The following BNIP1 variants were observed in gnomAD, a reference collection of about 807,000 sequenced individuals.
BNIP1 encodes BCL2 interacting protein 1.
A neutral mutation model predicts 28.5 loss-of-function variants in BNIP1; 25 were observed. The ratio of observed to expected loss-of-function variants is 0.88; its 90% confidence interval spans 0.64 to 1.23. The LOEUF is 1.23. BNIP1 is among the 50% of genes most tolerant of loss of function. The pLI is 0.00. For synonymous variants in BNIP1, 118 were observed against 101.7 expected (o/e 1.16, Z -0.96); for missense variants, 276 against 277.0 (o/e 1.00, Z 0.02).
chr5:173,163,904 C>A lies in BNIP1; in HGVS notation c.670C>A (p.Leu224Ile). The part of the protein sequence containing the change: ...ATVLYIVKKR[L>I]FPFL ...GGTCCTCTATATTGTGAAAAAGCGG[C>A]TCTTTCCATTTTTGTGAGATCCCAA... Residue 224 changes from leucine (L) to isoleucine (I), a missense_variant, in exon 6 of 6, where the codon CTC becomes ATC. Transcript: ENST00000351486. 6.2e-7 allele frequency: 1 copy of A among 1,603,134 alleles called. No homozygotes were observed. Among genetic ancestry groups the A allele is most frequent in the Non-Finnish European group, 8.5e-7 (1 of 1,175,040 alleles).
intron 3 of BNIP1, among the ~76,000 whole-genome samples, chr5:173,156,529 A>G (rs527330319): frequency 6.6e-6 from 1 of 152,018 alleles, no homozygotes; most frequent in East Asian, 1.9e-4. Context: ...CTGTAGTCTC[A>G]ACTACTTGGG....
intron 3 of BNIP1, among the ~76,000 whole-genome samples, chr5:173,157,165 G>A (rs555381143): frequency 2.0e-5 from 3 of 152,112 alleles, no homozygotes; most frequent in Non-Finnish European, 2.9e-5. Context: ...CTTGCAAACT[G>A]TTTCAAAATG....
chr5:173,152,245 C>T (rs532364234), intron 2 of BNIP1, among the ~76,000 whole-genome samples: 8 of 152,316 alleles, frequency 5.3e-5, no homozygotes, highest in Middle Eastern at 6.8e-3. Flanking sequence ...TTTTCCCATG[C>T]GTTCATTCTT....
intron 2 of BNIP1, among the ~76,000 whole-genome samples, chr5:173,148,698 G>T (rs908522937): frequency 6.6e-6 from 1 of 152,024 alleles, no homozygotes; most frequent in Admixed American, 6.6e-5. Context: ...AGACATTCCT[G>T]CCGGCTCCTC....
At chr5:173,154,838 C>T (rs1050037240) in intron 3 of BNIP1, among the ~76,000 whole-genome samples, 1 of 152,084 alleles carries the variant, frequency 6.6e-6, no homozygotes, top group South Asian at 2.1e-4. Flanking sequence ...ATCAGTTACA[C>T]ACTGGTGGAA....
At chr5:173,151,702 T>C (rs1760027488) in intron 2 of BNIP1, 8 of 1,612,810 alleles carry the variant, frequency 5.0e-6, no homozygotes, top group East Asian at 2.2e-5. Flanking sequence ...AGTGTGAGTA[T>C]TTGTATGTTC....
intron 5 of BNIP1, chr5:173,160,803 CAA>C: frequency 2.2e-6 from 1 of 456,184 alleles, no homozygotes; most frequent in South Asian, 1.5e-5. Flanking sequence ...TTATACTCCC[CAA>C]CGTTATTTTT....
At chr5:173,148,412 G>T (rs1315869148) in intron 2 of BNIP1, among the ~76,000 whole-genome samples, 1 of 152,018 alleles carries the variant, frequency 6.6e-6, no homozygotes, top group Non-Finnish European at 1.5e-5. Flanking sequence ...ATGTTTCAAG[G>T]CTGCCATCTG....
At chr5:173,151,714 T>C (rs1157334537) in intron 2 of BNIP1, 3 of 1,612,396 alleles carry the variant, frequency 1.9e-6, no homozygotes, top group Non-Finnish European at 2.5e-6. Context: ...TGTATGTTCT[T>C]TTTAAACATC....
chr5:173,144,652 C>T, intron 1 of BNIP1, 23 bp downstream of exon 1: 1 of 1,612,712 alleles, frequency 6.2e-7, no homozygotes, highest in Non-Finnish European at 8.5e-7. Flanking sequence ...GGACCCCTGC[C>T]GGGCTCCAGC....
intron 3 of BNIP1, among the ~76,000 whole-genome samples, chr5:173,155,011 G>C (rs1463371390): frequency 6.6e-6 from 1 of 152,008 alleles, no homozygotes; most frequent in Non-Finnish European, 1.5e-5. Flanking sequence ...TGTAATACAG[G>C]GTCATTTTTT....
intron 2 of BNIP1, among the ~76,000 whole-genome samples, chr5:173,150,976 C>T (rs1353088055): frequency 2.0e-5 from 3 of 152,000 alleles, no homozygotes; most frequent in Non-Finnish European, 4.4e-5. Context: ...GCTGGGATTA[C>T]AGGTGTGTGC....
At chr5:173,151,419 G>C in intron 2 of BNIP1, 2 of 799,338 alleles carry the variant, frequency 2.5e-6, no homozygotes, top group Non-Finnish European at 3.8e-6. Flanking sequence ...ACAGGGTTTT[G>C]CCATGTTGCT....
chr5:173,158,698 G>T lies in BNIP1; in HGVS notation c.270-46G>T, dbSNP rs1180867423. On this transcript the variant is annotated intron_variant, in intron 3 of 5. Transcript: ENST00000351486. ...AGTGCTGTGAATTGAACTGACTTAT[G>T]GCTTGGTGGAGTGGACACACTCACA... 4 of 1,485,540 alleles carry T rather than the reference G, an allele frequency of 2.7e-6. No individual in the cohort carries two copies. The South Asian group carries it at 4.7e-5, about 17-fold the overall frequency. The allele number at this position is 1,485,540 out of a possible 1,614,324, so 92.0% of individuals were successfully genotyped here. A position where few individuals can be genotyped will look rare whatever the true frequency, so the allele number is the denominator to read the frequency against.
rs1210102701 is a variant in BNIP1 at position 173,148,080 on chromosome 5, AAAAATATATATATATATATATATATAT to A, written c.177+1124_177+1150del. Among the ~76,000 whole-genome samples, 14 of 49,482 alleles carry A rather than the reference AAAAATATATATATATATATATATATAT, an allele frequency of 2.8e-4. 2 individuals carry two copies. Among genetic ancestry groups the A allele is most frequent in the African/African-American group, 1.4e-3 (14 of 10,152 alleles). 32.5% of individuals were successfully genotyped at this position (49,482 alleles called of 152,430 possible). On this transcript the variant is annotated intron_variant, in intron 2 of 5. Coordinates refer to ENST00000351486, the MANE Select transcript of BNIP1 (RefSeq NM_001205.3). ...TCTGTGTCAAAAAAAAAAAAAAAAA[AAAAATATATATATATATATATATATAT>A]ATATATATATATATATATATATATA...
At chr5:173,154,178 A>G (rs906914232) in intron 2 of BNIP1, 144 bp from the exon 3 acceptor site, 2 of 636,826 alleles carry the variant, frequency 3.1e-6, no homozygotes, top group Admixed American at 2.9e-5. Context: ...GATGTGTGTT[A>G]TATGTTACCT....
At chr5:173,159,823 A>ATGT in intron 4 of BNIP1, 110 bp from the exon 5 acceptor site, 1 of 909,866 alleles carries the variant, frequency 1.1e-6, no homozygotes. Context: ...CATTTAAAAT[A>ATGT]TGTATACTAA....
rs759627037 is a variant in BNIP1 at position 173,160,069 on chromosome 5, G to A, written c.490+18G>A. 1.2e-6 allele frequency: 2 copies of A among 1,609,578 alleles called. No homozygotes were observed. The highest frequency in any genetic ancestry group is 8.5e-7 in the Non-Finnish European group (1 of 1,177,338). On this transcript the variant is annotated intron_variant, in intron 5 of 5. Coordinates refer to ENST00000351486, the MANE Select transcript of BNIP1 (RefSeq NM_001205.3). ...GTCTCTAGGTAAAGCTGGGCCTGGA[G>A]TAGGAAGCTTCTCCCAGAGACGCTG...
chr5:173,145,864 C>T (rs1407520749), intron 1 of BNIP1, among the ~76,000 whole-genome samples: 1 of 152,152 alleles, frequency 6.6e-6, no homozygotes, highest in Non-Finnish European at 1.5e-5. Flanking sequence ...TAAACAAATA[C>T]GGTGCAAAGA....
Sources: gnomAD v4.1 joint callset for allele counts (sites outside exome capture counted in the v4.1 genomes callset) on GRCh38, gnomAD v4.1.1 for gene constraint, MANE v1.5 for transcripts, NCBI Gene and HGNC (gene_info 2026-07-23, HGNC 2026-07-21) for gene names.